Variants in GRIA2 observed in about 807,000 individuals in gnomAD.
GRIA2 encodes glutamate receptor 2.
Under a neutral mutation model 97.3 loss-of-function variants are expected in GRIA2, and 14 were observed. The ratio of observed to expected loss-of-function variants is 0.14; its 90% CI spans 0.10 to 0.23. The LOEUF is 0.23. GRIA2 is among the 10% of genes least tolerant of loss of function. The pLI is 1.00. For missense variants in GRIA2, 558 were observed against 1,069.8 expected, an observed-to-expected ratio of 0.52 and a Z score of 6.67; for synonymous variants, 412 against 387.8, an observed-to-expected ratio of 1.06 and a Z score of -0.73.
intron 12 of GRIA2, among the ~76,000 whole-genome samples, chr4:157,355,943 A>ATATGTATT (rs1736303215): frequency 1.7e-4 from 1 of 5,816 alleles, no homozygotes; most frequent in African/African-American, 2.4e-4. Context: ...TTATATATTA[A>ATATGTATT]TATATATTTA....
At chr4:157,225,923 T>G (rs1729724805) in intron 2 of GRIA2, among the ~76,000 whole-genome samples, 1 of 152,052 alleles carries the variant, frequency 6.6e-6, no homozygotes, top group Non-Finnish European at 1.5e-5. Flanking sequence ...ATTTTTACAT[T>G]ATAAAAGATT....
In GRIA2 at chr4:157,257,025, A is replaced by G. The variant is rs1360350712; in HGVS notation, c.229+35218A>G. Among the ~76,000 whole-genome samples, 3 of 152,186 alleles carry G rather than the reference A, an allele frequency of 2.0e-5. No individual in the cohort carries two copies. The East Asian group carries it at 5.8e-4, about 29-fold the overall frequency. On this transcript the variant is annotated intron_variant, in intron 2 of 15. Coordinates refer to ENST00000264426, the MANE Select transcript of GRIA2 (RefSeq NM_001083619.3). ...TAGAGTTTTTAAAATAAAAAACCTT[A>G]TCATTCTAGCCTGAGTAGGAAGCAT...
chr4:157,256,294 A>C (rs553731808), intron 2 of GRIA2, among the ~76,000 whole-genome samples: 1 of 139,594 alleles, frequency 7.2e-6, no homozygotes, highest in South Asian at 2.1e-4. Flanking sequence ...TACATATATT[A>C]TATATAATAT....
intron 2 of GRIA2, among the ~76,000 whole-genome samples, chr4:157,222,976 T>C (rs1445699458): frequency 6.6e-6 from 1 of 152,208 alleles, no homozygotes; most frequent in Non-Finnish European, 1.5e-5. Context: ...GATTCTTTCC[T>C]GCCCTAATAT....
At chr4:157,282,795 T>C (rs1341348813) in intron 2 of GRIA2, among the ~76,000 whole-genome samples, 2 of 152,092 alleles carry the variant, frequency 1.3e-5, no homozygotes, top group South Asian at 2.1e-4. Context: ...GGTCTATTTC[T>C]GGCAATGTTT....
chr4:157,222,193 G>T (rs1222894046), intron 2 of GRIA2, among the ~76,000 whole-genome samples: 2 of 152,098 alleles, frequency 1.3e-5, no homozygotes, highest in Non-Finnish European at 2.9e-5. Flanking sequence ...AGAACACGTT[G>T]TTCCCCAGGG....
chr4:157,270,426 A>G (rs1731964830), intron 2 of GRIA2, among the ~76,000 whole-genome samples: 1 of 152,144 alleles, frequency 6.6e-6, no homozygotes, highest in African/African-American at 2.4e-5. Flanking sequence ...ATTGTTGAAT[A>G]GTTAAAATGT....
Position 157,334,054 on chromosome 4 carries a change from T to A in GRIA2, c.1200T>A (p.Thr400=), listed in dbSNP as rs769506585. Residue 400 remains threonine (T), a synonymous_variant, in exon 9 of 16, where the codon ACT becomes ACA. Transcript: ENST00000264426. ...SEVDKMVVTL[T]ELPSGNDTSG... is the part of the protein sequence containing the mutation. The stretch of plus-strand genomic sequence containing the variant: ...TGGACAAAATGGTTGTTACCCTTAC[T>A]GAGCTCCCTTCTGGAAATGACACCT... 1 of 1,610,516 alleles carries A rather than the reference T, an allele frequency of 6.2e-7. No homozygotes were observed. The highest frequency in any genetic ancestry group is 8.5e-7 in the Non-Finnish European group (1 of 1,177,140).
At chr4:157,242,677 C>T (rs543325763) in intron 2 of GRIA2, among the ~76,000 whole-genome samples, 149 of 152,176 alleles carry the variant, frequency 9.8e-4, no homozygotes, top group Non-Finnish European at 1.7e-3. Context: ...AAATACTGAA[C>T]CATTGCTCCT....
rs983700965 is a variant in GRIA2 at position 157,324,219 on chromosome 4, C to A, written c.882+2620C>A. On this transcript the variant is annotated intron_variant, in intron 6 of 15. Transcript: ENST00000264426. ...ATTTTATAATCCCTCTAACTCCACC[C>A]AGAGGCATATTTTATGAGGTCCCTG... 3.9e-5 allele frequency among the ~76,000 whole-genome samples: 6 copies of A among 152,058 alleles called. No individual in the cohort carries two copies. In the East Asian group the frequency reaches 1.2e-3, roughly 29 times the overall value.
intron 12 of GRIA2, among the ~76,000 whole-genome samples, chr4:157,359,138 T>G (rs911398465): frequency 2.0e-5 from 3 of 152,198 alleles, no homozygotes. Flanking sequence ...AATGACTCTT[T>G]TGATGTGTAT....
chr4:157,271,003 A>G (rs1731998670), intron 2 of GRIA2, among the ~76,000 whole-genome samples: 1 of 151,916 alleles, frequency 6.6e-6, no homozygotes, highest in South Asian at 2.1e-4. Flanking sequence ...TATTAAGCAA[A>G]GTTCAGAAAA....
intron 5 of GRIA2, among the ~76,000 whole-genome samples, chr4:157,318,750 CCT>C (rs1337367966): frequency 6.6e-6 from 1 of 152,008 alleles, no homozygotes; most frequent in Non-Finnish European, 1.5e-5. Context: ...CCTCTACACC[CCT>C]GTCTCACCCA....
chr4:157,310,108 G>A (rs867560107), intron 3 of GRIA2, among the ~76,000 whole-genome samples: 4 of 152,254 alleles, frequency 2.6e-5, no homozygotes, highest in South Asian at 2.1e-4. Flanking sequence ...GATAGCTGTC[G>A]AATTGATCAT....
chr4:157,230,874 G>A (rs1052979483), intron 2 of GRIA2, among the ~76,000 whole-genome samples: 1 of 151,552 alleles, frequency 6.6e-6, no homozygotes, highest in African/African-American at 2.4e-5. Context: ...ATTTCTTAGC[G>A]AAAGGGTCTC....
chr4:157,282,093 T>A (rs543425701), intron 2 of GRIA2, among the ~76,000 whole-genome samples: 1 of 152,242 alleles, frequency 6.6e-6, no homozygotes, highest in South Asian at 2.1e-4. Context: ...CCAATAGCAG[T>A]TTTCTACTGC....
At chr4:157,221,962 A>C (rs756123099) in intron 2 of GRIA2, among the ~76,000 whole-genome samples, 155 bp downstream of exon 2, 1 of 151,536 alleles carries the variant, frequency 6.6e-6, no homozygotes, top group Non-Finnish European at 1.5e-5. Context: ...GACCGTGTAG[A>C]GAGAAGGTGG....
intron 2 of GRIA2, among the ~76,000 whole-genome samples, chr4:157,233,694 C>G (rs149869256): frequency 6.6e-6 from 1 of 151,946 alleles, no homozygotes; most frequent in African/African-American, 2.4e-5. Context: ...TTATATCAGC[C>G]CTTTACTGAT....
At chr4:157,352,441 G>A (rs1736049235) in intron 12 of GRIA2, among the ~76,000 whole-genome samples, 1 of 152,096 alleles carries the variant, frequency 6.6e-6, no homozygotes, top group African/African-American at 2.4e-5. Context: ...TAGTTGACCA[G>A]GCACGGTGGC....
Sources: gnomAD v4.1 joint callset for allele counts (sites outside exome capture counted in the v4.1 genomes callset) on GRCh38, gnomAD v4.1.1 for gene constraint, MANE v1.5 for transcripts, NCBI Gene and HGNC (gene_info 2026-07-23, HGNC 2026-07-21) for gene names.